The following DENND3 variants were observed in gnomAD, a reference collection of about 807,000 sequenced individuals.
DENND3 encodes DENN domain-containing protein 3.
DENND3 carries 88 observed loss-of-function variants against 135.1 expected under a neutral mutation model. The observed-to-expected ratio is 0.65, with a 90% CI of 0.55 to 0.78. DENND3 has a LOEUF of 0.78. DENND3 is among the 30% of genes least tolerant of loss of function. The probability of loss-of-function intolerance (pLI) is 0.00; values close to 1 mark genes in which losing one functional copy is unlikely to be tolerated. For synonymous variants in DENND3, 693 were observed against 712.3 expected (o/e 0.97, Z 0.43); for missense variants, 1,392 against 1,688.4 (o/e 0.82, Z 3.08).
rs112012538 is a variant in DENND3 at position 141,164,982 on chromosome 8, G to C, written c.1450-204G>C. On this transcript the variant is annotated intron_variant, in intron 10 of 22. Transcript: ENST00000519811. ...TTTTGTTCATGGGGTGGGTATGTGG[G>C]ACCCAGTGTGTGAATGTATGGCAGC... Among the ~76,000 whole-genome samples the C allele has an allele frequency of 6.1e-4, 93 of 152,344 alleles. 1 individual carries two copies. The highest frequency in any genetic ancestry group is 2.1e-3 in the African/African-American group (89 of 41,576).
At chr8:141,193,545 A>T (rs1477568449) in intron 22 of DENND3, 1 of 165,618 alleles carries the variant, frequency 6.0e-6, no homozygotes, top group African/African-American at 2.4e-5. Context: ...AAAAGGGAGA[A>T]ATTGGAAGGA....
intron 5 of DENND3, chr8:141,150,330 A>T (rs1472379461): frequency 7.8e-7 from 1 of 1,281,560 alleles, no homozygotes; most frequent in Admixed American, 2.5e-5. Flanking sequence ...CAGAATTTGA[A>T]CTGAAGTGTG....
Position 141,152,716 on chromosome 8 carries a change from CA to C in DENND3, c.1074+881del, listed in dbSNP as rs1264447721. 2.0e-5 allele frequency among the ~76,000 whole-genome samples: 3 copies of C among 152,246 alleles called. No individual in the cohort carries two copies. In the East Asian group the frequency reaches 5.8e-4, roughly 29 times the overall value. ...TTTGGCTGCTCTGAACACTTGTGTG[CA>C]AGTTTTTGTGTGGATATGTGCTTTC... On this transcript the variant is annotated intron_variant, in intron 7 of 22. Coordinates refer to ENST00000519811, the MANE Select transcript of DENND3 (RefSeq NM_001352890.3).
chr8:141,156,982 CTA>C (rs1156383274), intron 8 of DENND3, among the ~76,000 whole-genome samples: 1 of 151,934 alleles, frequency 6.6e-6, no homozygotes, highest in Non-Finnish European at 1.5e-5. Flanking sequence ...ATGGGTTTCA[CTA>C]TGTTGGCCAG....
intron 13 of DENND3, among the ~76,000 whole-genome samples, chr8:141,170,968 G>C (rs1339075040): frequency 1.3e-5 from 2 of 151,728 alleles, no homozygotes; most frequent in African/African-American, 4.8e-5. Flanking sequence ...TCCTCTCATT[G>C]GGCAGAATCG....
At chr8:141,132,175 G>T (rs911827245) in intron 1 of DENND3, among the ~76,000 whole-genome samples, 7 of 152,030 alleles carry the variant, frequency 4.6e-5, no homozygotes, top group African/African-American at 1.7e-4. Context: ...ACAGCTAATG[G>T]AACCTGTTAT....
chr8:141,188,164 G>A (rs535057518), intron 18 of DENND3, among the ~76,000 whole-genome samples: 2 of 151,782 alleles, frequency 1.3e-5, no homozygotes, highest in South Asian at 2.1e-4. Flanking sequence ...GGCTGAGGCT[G>A]CAGTGAGCCA....
intron 1 of DENND3, among the ~76,000 whole-genome samples, chr8:141,133,391 TC>T (rs2154612658): frequency 6.6e-6 from 1 of 152,288 alleles, no homozygotes; most frequent in Admixed American, 6.5e-5. Context: ...TTTGCTTTCT[TC>T]AATGTGGGGA....
At chr8:141,178,402 G>A (rs1018461597) in intron 16 of DENND3, among the ~76,000 whole-genome samples, 5 of 152,196 alleles carry the variant, frequency 3.3e-5, no homozygotes, top group East Asian at 1.9e-4. Flanking sequence ...AGCCCCTTGC[G>A]CATCCAATTG....
chr8:141,147,554 G>C (rs1449908422), intron 5 of DENND3, among the ~76,000 whole-genome samples: 2 of 152,236 alleles, frequency 1.3e-5, no homozygotes, highest in Non-Finnish European at 2.9e-5. Flanking sequence ...CTTGTGGCCA[G>C]CTGTGGCTCA....
At chr8:141,161,295 A>G (rs1383648377) in intron 9 of DENND3, among the ~76,000 whole-genome samples, 1 of 152,206 alleles carries the variant, frequency 6.6e-6, no homozygotes, top group Non-Finnish European at 1.5e-5. Flanking sequence ...AAGCTAGATC[A>G]TGAAACCATC....
chr8:141,135,966 G>C (rs1234902331), intron 1 of DENND3, among the ~76,000 whole-genome samples: 3 of 152,152 alleles, frequency 2.0e-5, no homozygotes, highest in South Asian at 2.1e-4. Context: ...TGGCCCACGT[G>C]GGGGTGTGGA....
chr8:141,193,826 C>T (rs898397841), intron 22 of DENND3: 2 of 607,784 alleles, frequency 3.3e-6, no homozygotes, highest in Admixed American at 2.9e-5. Flanking sequence ...GTCTTCTTCC[C>T]CAGAGGCCCC....
At chr8:141,180,525 C>T (rs978580604) in intron 16 of DENND3, among the ~76,000 whole-genome samples, 3 of 152,056 alleles carry the variant, frequency 2.0e-5, no homozygotes, top group African/African-American at 4.8e-5. Flanking sequence ...GTGGGGGATG[C>T]GCCTGGCCAC....
chr8:141,142,243 G>T (rs983403732), intron 4 of DENND3: 1 of 396,296 alleles, frequency 2.5e-6, no homozygotes, highest in Admixed American at 2.9e-5. Flanking sequence ...GCACGGAGCC[G>T]TTTCTTTTGA....
intron 18 of DENND3, 31 bp from the exon 19 acceptor site, chr8:141,188,955 G>T (rs375850979): frequency 2.1e-5 from 34 of 1,605,484 alleles, no homozygotes; most frequent in Non-Finnish European, 2.9e-5. Context: ...GAGACTGACT[G>T]ATTTCTCACG....
At chr8:141,178,704 G>A (rs1044023607) in intron 16 of DENND3, among the ~76,000 whole-genome samples, 6 of 152,178 alleles carry the variant, frequency 3.9e-5, no homozygotes, top group African/African-American at 1.2e-4. Context: ...GTCAGGATCC[G>A]CTTTTTTCTT....
At chr8:141,180,893 G>C (rs745464041) in intron 17 of DENND3, 39 bp downstream of exon 17, 1 of 1,558,748 alleles carries the variant, frequency 6.4e-7, no homozygotes, top group Non-Finnish European at 8.8e-7. Flanking sequence ...CCAGTTTTCA[G>C]CCAATCTGAT....
Position 141,141,367 on chromosome 8 carries a change from C to G in DENND3, c.623+43C>G, listed in dbSNP as rs780643772. The G allele has an allele frequency of 6.2e-7, 1 of 1,602,596 alleles. No individual in the cohort carries two copies. The highest frequency in any genetic ancestry group is 1.4e-5 in the African/African-American group (1 of 73,908). On this transcript the variant is annotated intron_variant, in intron 4 of 22. Transcript: ENST00000519811. The surrounding 1 kb of genome is among the most constrained non-coding windows in gnomAD (Gnocchi z 5.3). ...GGGCCAGGGGTGGTAGGGGGCAGCT[C>G]TTTGTGCCTCTCCAGGTGAGCCAAG...
Sources: gnomAD v4.1 joint callset for allele counts (sites outside exome capture counted in the v4.1 genomes callset) on GRCh38, gnomAD v4.1.1 for gene constraint, Gnocchi (gnomAD v3.1) non-coding constraint, MANE v1.5 for transcripts, NCBI Gene and HGNC (gene_info 2026-07-23, HGNC 2026-07-21) for gene names.